Variants in CTNNA3 observed in about 807,000 individuals in gnomAD.
CTNNA3 encodes the protein catenin alpha 3.
A neutral mutation model predicts 95.7 loss-of-function variants in CTNNA3; 76 were observed. That is an observed-to-expected ratio of 0.79 (90% CI 0.66 to 0.96). The LOEUF (loss-of-function observed/expected upper bound fraction) is 0.96. Ranked by LOEUF, CTNNA3 falls within the 40% of genes least tolerant of loss-of-function variation. The pLI is 0.00. For missense variants in CTNNA3, 1,191 were observed against 1,089.8 expected, an observed-to-expected ratio of 1.09 and a Z score of -1.31; for synonymous variants, 431 against 374.4, an observed-to-expected ratio of 1.15 and a Z score of -1.74.
intron 13 of CTNNA3, among the ~76,000 whole-genome samples, chr10:66,222,578 G>GA (rs1198909718): frequency 3.4e-3 from 448 of 133,080 alleles, no homozygotes; most frequent in African/African-American, 9.5e-3. Context: ...AGGAAAGAAA[G>GA]AAGGAAAGAA....
chr10:66,688,051 A>G (rs1847368095), intron 9 of CTNNA3, among the ~76,000 whole-genome samples: 1 of 152,152 alleles, frequency 6.6e-6, no homozygotes, highest in Non-Finnish European at 1.5e-5. Context: ...TAAAAAATAT[A>G]TGGTAGAATT....
At chr10:67,412,058 T>C (rs1003709512) in intron 5 of CTNNA3, among the ~76,000 whole-genome samples, 1 of 152,176 alleles carries the variant, frequency 6.6e-6, no homozygotes, top group Non-Finnish European at 1.5e-5. Flanking sequence ...CTTTAGAATA[T>C]AAATGATTTT....
intron 7 of CTNNA3, among the ~76,000 whole-genome samples, chr10:67,049,559 G>C (rs1220163205): frequency 1.3e-5 from 2 of 151,952 alleles, no homozygotes; most frequent in African/African-American, 4.8e-5. Flanking sequence ...AAACTTCAAG[G>C]GTTTATTTCA....
intron 13 of CTNNA3, among the ~76,000 whole-genome samples, chr10:66,268,987 T>C (rs1267190651): frequency 3.9e-5 from 6 of 152,166 alleles, no homozygotes; most frequent in Non-Finnish European, 7.3e-5. Context: ...TAAACCATCA[T>C]TGCAATAAGC....
chr10:66,780,532 G>A (rs931349859), intron 7 of CTNNA3, among the ~76,000 whole-genome samples: 1 of 152,128 alleles, frequency 6.6e-6, no homozygotes, highest in African/African-American at 2.4e-5. Context: ...AACTGAAATT[G>A]TCATTTCAAG....
At chr10:66,608,578 C>A (rs1045623626) in intron 10 of CTNNA3, among the ~76,000 whole-genome samples, 13 of 151,534 alleles carry the variant, frequency 8.6e-5, no homozygotes, top group Admixed American at 3.3e-4. Flanking sequence ...AAACAGCACA[C>A]CAAAATAAAA....
chr10:66,255,992 G>A (rs549957265), intron 13 of CTNNA3, among the ~76,000 whole-genome samples: 9 of 152,234 alleles, frequency 5.9e-5, no homozygotes, highest in South Asian at 2.1e-4. Flanking sequence ...ACTCATGCTC[G>A]TAATCCTAAT....
intron 17 of CTNNA3, among the ~76,000 whole-genome samples, chr10:65,949,617 A>G (rs1280469569): frequency 1.3e-5 from 2 of 152,186 alleles, no homozygotes; most frequent in Admixed American, 6.5e-5. Flanking sequence ...TAAGAAAATT[A>G]TTAATCTAAG....
At chr10:66,544,563 T>C (rs1212023752) in intron 10 of CTNNA3, among the ~76,000 whole-genome samples, 1 of 152,132 alleles carries the variant, frequency 6.6e-6, no homozygotes, top group Non-Finnish European at 1.5e-5. Flanking sequence ...TAGTAATATA[T>C]CCTAGGTTCA....
chr10:66,483,103 A>G (rs926523023), intron 11 of CTNNA3, among the ~76,000 whole-genome samples: 1 of 152,198 alleles, frequency 6.6e-6, no homozygotes, highest in African/African-American at 2.4e-5. Context: ...GAGGCTAACT[A>G]TATTTTTCAA....
At chr10:67,034,047 C>T (rs1853893511) in intron 7 of CTNNA3, among the ~76,000 whole-genome samples, 1 of 152,206 alleles carries the variant, frequency 6.6e-6, no homozygotes, top group Non-Finnish European at 1.5e-5. Flanking sequence ...GCTGAGACTA[C>T]AGGCGTGAGC....
intron 13 of CTNNA3, among the ~76,000 whole-genome samples, chr10:66,179,414 A>T (rs543419789): frequency 2.2e-4 from 34 of 152,166 alleles, no homozygotes; most frequent in African/African-American, 7.5e-4. Context: ...AAGGGTCAAT[A>T]GGAGCAATCT....
At chr10:67,277,296 T>C (rs1232896794) in intron 5 of CTNNA3, among the ~76,000 whole-genome samples, 2 of 152,184 alleles carry the variant, frequency 1.3e-5, no homozygotes, top group Non-Finnish European at 2.9e-5. Flanking sequence ...AGGTCCTTTA[T>C]TGGCTGAGCA....
intron 13 of CTNNA3, among the ~76,000 whole-genome samples, chr10:66,222,369 T>C (rs2131982599): frequency 1.3e-5 from 2 of 152,316 alleles, no homozygotes; most frequent in Middle Eastern, 3.4e-3. Context: ...ATTCTCTGCA[T>C]AGCTACTTAC....
In CTNNA3 at chr10:67,398,063, C is replaced by T. The variant is rs7900504; in HGVS notation, c.579+123779G>A. Among the ~76,000 whole-genome samples, 1,478 of 152,342 alleles carry T rather than the reference C, an allele frequency of 9.7e-3. 28 individuals are homozygous for T. Among genetic ancestry groups the T allele is most frequent in the African/African-American group, 0.034 (1,407 of 41,572 alleles). ...GGGAAATGTGGTGTGGGAGCCCCCA[C>T]ACAGAGTCTCCACTGGGGCACTGTC... is the stretch of plus-strand genomic sequence containing the variant. On this transcript the variant is annotated intron_variant, in intron 5 of 17. Coordinates refer to ENST00000433211, the MANE Select transcript of CTNNA3 (RefSeq NM_013266.4).
intron 7 of CTNNA3, among the ~76,000 whole-genome samples, chr10:66,782,974 C>A (rs1840601134): frequency 6.6e-6 from 1 of 152,050 alleles, no homozygotes; most frequent in African/African-American, 2.4e-5. Flanking sequence ...CTTGTCCTGT[C>A]TCAAATGTCC....
intron 11 of CTNNA3, among the ~76,000 whole-genome samples, chr10:66,397,373 T>TTGA (rs113172326): frequency 0.018 from 2,789 of 151,876 alleles, 83 homozygotes; most frequent in African/African-American, 0.064. Context: ...AAATATAACA[T>TTGA]TGATACCCAC....
chr10:66,966,757 T>C (rs1849436666), intron 7 of CTNNA3, among the ~76,000 whole-genome samples: 1 of 152,010 alleles, frequency 6.6e-6, no homozygotes, highest in African/African-American at 2.4e-5. Context: ...CTTAGCAGGG[T>C]TCTAAATCTG....
intron 7 of CTNNA3, among the ~76,000 whole-genome samples, chr10:66,861,900 T>C (rs1764514745): frequency 6.6e-6 from 1 of 152,200 alleles, no homozygotes; most frequent in African/African-American, 2.4e-5. Context: ...TTAGAAGTGG[T>C]GTGGGTTATT....
Sources: gnomAD v4.1 joint callset for allele counts (sites outside exome capture counted in the v4.1 genomes callset) on GRCh38, gnomAD v4.1.1 for gene constraint, MANE v1.5 for transcripts, NCBI Gene and HGNC (gene_info 2026-07-23, HGNC 2026-07-21) for gene names.